PLCB2: variants seen among roughly 807,000 people sequenced by gnomAD.
The protein encoded by PLCB2 is 1-phosphatidylinositol 4,5-bisphosphate phosphodiesterase beta-2.
Under a neutral mutation model 141.7 loss-of-function variants are expected in PLCB2, and 115 were observed. That is an observed-to-expected ratio of 0.81 (90% CI 0.70 to 0.95). The LOEUF is 0.95. Ranked by LOEUF, PLCB2 falls within the 40% of genes least tolerant of loss-of-function variation. The pLI is 0.00. For synonymous variants in PLCB2, 603 were observed against 595.6 expected, an observed-to-expected ratio of 1.01 and a Z score of -0.18; for missense variants, 1,403 against 1,541.1, an observed-to-expected ratio of 0.91 and a Z score of 1.50.
At position 40,295,049 on chromosome 15, in the gene PLCB2, C is replaced by T. The variant is rs8025153; in HGVS notation, c.1793G>A (p.Arg598His). Residue 598 changes from arginine (R) to histidine (H), a missense_variant, in exon 18 of 32, where the codon CGC (arginine) becomes CAC (histidine). Physicochemically the swap from Arg to His is conservative, Grantham distance 29. Around this residue, in one of 4 missense-constraint regions of PLCB2, gnomAD observed 975 missense variants for 1,141.1 expected, o/e 0.85. Coordinates refer to ENST00000260402, the MANE Select transcript of PLCB2 (RefSeq NM_004573.3). ...ASVQFVDYNK[R>H]QMSRIYPKGT... ...CTTGGGGTAAATGCGGCTCATCTGG[C>T]GCTTGTTGTAGCTGTCCCTGAGTTT... 6.0e-4 allele frequency: 969 copies of T among 1,612,678 alleles called. 7 individuals are homozygous for T. The African/African-American group carries it at 0.01, about 17-fold the overall frequency.
chr15:40,290,941 TGA>T, intron 27 of PLCB2, 75 bp downstream of exon 27: 3 of 1,204,284 alleles, frequency 2.5e-6, no homozygotes, highest in Non-Finnish European at 3.2e-6. Flanking sequence ...GTTGGGTCGG[TGA>T]GAGGGGCGAA....
intron 27 of PLCB2, 56 bp from the exon 28 acceptor site, chr15:40,290,893 C>A: frequency 1.3e-6 from 1 of 780,322 alleles, no homozygotes; most frequent in Non-Finnish European, 2.0e-6. Context: ...AGAGGGAGTA[C>A]GGGGGGCGGG....
At chr15:40,290,217 C>T in intron 29 of PLCB2, 135 bp from the exon 30 acceptor site, 4 of 693,684 alleles carry the variant, frequency 5.8e-6, no homozygotes, top group South Asian at 3.2e-5. Flanking sequence ...GGTGTGGGGA[C>T]CCAAGGAGTA....
At chr15:40,295,375 C>T in intron 16 of PLCB2, 90 bp from the exon 17 acceptor site, 1 of 844,268 alleles carries the variant, frequency 1.2e-6, no homozygotes. Context: ...TCCCTCTGGC[C>T]TATAGAGATG....
intron 24 of PLCB2, 56 bp downstream of exon 24, chr15:40,291,793 C>T: frequency 6.2e-7 from 1 of 1,612,566 alleles, no homozygotes; most frequent in Non-Finnish European, 8.5e-7. Flanking sequence ...AAGGGAAGTG[C>T]CTGTGGGTGC....
Position 40,304,198 on chromosome 15 carries a change from G to A in PLCB2, c.85-120C>T, listed in dbSNP as rs1165600310. 2.2e-5 allele frequency: 15 copies of A among 676,856 alleles called. No homozygotes were observed. In the Admixed American group the frequency reaches 2.9e-4, roughly 13 times the overall value. 41.9% of individuals were successfully genotyped at this position (676,856 alleles called of 1,614,324 possible). ...AGGTGCCCATCCCAGAAATCTGAAGGCATTTCCTTTTGTTGTCTAGAGCTA... is the reference window on the plus strand; with the variant it reads ...AGGTGCCCATCCCAGAAATCTGAAGACATTTCCTTTTGTTGTCTAGAGCTA... On this transcript the variant is annotated intron_variant, in intron 1 of 31. Coordinates refer to ENST00000260402, the MANE Select transcript of PLCB2 (RefSeq NM_004573.3).
At position 40,295,261 on chromosome 15, in the gene PLCB2, G is replaced by T. The variant is rs768916196; in HGVS notation, c.1721C>A (p.Ser574Ter). 3 of 1,613,430 alleles carry T rather than the reference G, an allele frequency of 1.9e-6. No individual in the cohort carries two copies. The highest frequency in any genetic ancestry group is 1.1e-5 in the South Asian group (1 of 91,066). ...ATATGCCTTGAGCTCTGTGAAGGAC[G>T]AGATGACATAACTTCGGTTCTTTTC... ...SAQKNRSYVI[S>*]SFTELKAYDL... The change falls in exon 17 of 32, where the codon TCG (serine) becomes TAG (stop). Residue 574 changes from serine (S) to a stop codon, truncating the protein, a stop_gained. Coordinates refer to ENST00000260402, the MANE Select transcript of PLCB2 (RefSeq NM_004573.3). LOFTEE classifies it high-confidence loss of function.
chr15:40,307,641 G>A lies in PLCB2; in HGVS notation c.32C>T (p.Pro11Leu), dbSNP rs754087627. 11 of 1,583,444 alleles carry A rather than the reference G, an allele frequency of 6.9e-6. No homozygotes were observed. The highest frequency in any genetic ancestry group is 1.4e-5 in the African/African-American group (1 of 73,934). The change falls in exon 1 of 32, where the codon CCC becomes CTC. Residue 11 changes from proline to leucine, a missense_variant. This residue lies in a region of PLCB2 where 975 missense variants were observed against 1,141.1 expected (regional missense o/e 0.85). Coordinates refer to ENST00000260402, the MANE Select transcript of PLCB2 (RefSeq NM_004573.3). ...TTGGCTCAGATAGGCCTTCACCTTG[G>A]GGGGCAGCAGGACAGGGTTGAGCAG... MSLLNPVLLP[P>L]KVKAYLSQGE...
intron 18 of PLCB2, 130 bp downstream of exon 18, chr15:40,294,806 C>A: frequency 8.7e-7 from 1 of 1,154,054 alleles, no homozygotes; most frequent in Non-Finnish European, 1.2e-6. Context: ...TTCTCACGCA[C>A]CTGGGCATGC....
intron 22 of PLCB2, 66 bp downstream of exon 22, chr15:40,292,273 G>A: frequency 1.3e-6 from 2 of 1,512,796 alleles, no homozygotes. Flanking sequence ...AACTCTGGAA[G>A]CTGGCTTGAT....
Position 40,302,167 on chromosome 15 carries a change from G to A in PLCB2, c.475C>T (p.Leu159Phe). Residue 159 changes from leucine (L) to phenylalanine (F), a missense_variant, in exon 6 of 32, where the codon CTC (leucine) becomes TTC (phenylalanine). Physicochemically the swap from Leu to Phe is conservative, Grantham distance 22. Around this residue, in one of 4 missense-constraint regions of PLCB2, gnomAD observed 975 missense variants for 1,141.1 expected, o/e 0.85. Transcript: ENST00000260402. ...ACCGGAATCTTCCCTTCAGAGTTGA[G>A]CTGCATCTTGAGCTTCACAAGGCTG... ...DKILVKLKMQ[L>F]NSEGKIPVKN... 1 of 1,611,904 alleles carries A rather than the reference G, an allele frequency of 6.2e-7. No individual in the cohort carries two copies. The highest frequency in any genetic ancestry group is 1.7e-5 in the Admixed American group (1 of 59,924).
rs1555391016 is a variant in PLCB2 at position 40,289,989 on chromosome 15, G to GTA, written c.3267+35_3267+36insTA. The GTA allele has an allele frequency of 1.3e-5, 13 of 1,018,998 alleles. No individual in the cohort carries two copies. The South Asian group carries it at 1.5e-4, about 12-fold the overall frequency. 63.1% of individuals were successfully genotyped at this position (1,018,998 alleles called of 1,614,324 possible). A position where few individuals can be genotyped will look rare whatever the true frequency, so the allele number is the denominator to read the frequency against. On this transcript the variant is annotated intron_variant, in intron 30 of 31. Transcript: ENST00000260402. ...AGAGAGTGTGTGTGTGTGTGTGTGT[G>GTA]TGTGTGTGTTTAGGAAGGACACAGC...
chr15:40,306,342 A>AG, intron 1 of PLCB2, among the ~76,000 whole-genome samples: 1 of 152,178 alleles, frequency 6.6e-6, no homozygotes, highest in East Asian at 1.9e-4. Context: ...GGAGAGGGGA[A>AG]GGGAACAGCC....
chr15:40,299,077 A>T (rs746111917), intron 8 of PLCB2, 51 bp downstream of exon 8: 6 of 1,563,082 alleles, frequency 3.8e-6, no homozygotes, highest in Non-Finnish European at 5.3e-6. Context: ...GGAGGAGGGG[A>T]TTGTTAGCCA....
At chr15:40,306,352 C>A (rs750098923) in intron 1 of PLCB2, among the ~76,000 whole-genome samples, 2 of 152,104 alleles carry the variant, frequency 1.3e-5, no homozygotes, top group African/African-American at 4.8e-5. Context: ...AGGGAACAGC[C>A]AGGTACACAG....
chr15:40,304,140 G>GA, intron 1 of PLCB2, 62 bp from the exon 2 acceptor site: 14 of 1,158,186 alleles, frequency 1.2e-5, no homozygotes, highest in Non-Finnish European at 1.5e-5. Context: ...CCTGGTCCAG[G>GA]CCAGGGGTTT....
chr15:40,294,873 G>A, intron 18 of PLCB2, 63 bp downstream of exon 18: 2 of 1,605,582 alleles, frequency 1.2e-6, no homozygotes, highest in Non-Finnish European at 1.7e-6. Context: ...ACCCCTCAAG[G>A]ATGTAAAGGT....
rs2040537895 is a variant in PLCB2, at chr15:40,302,074, G to A, written c.507-42C>T. ...AGGTACCAGGTACAGAGAGGAGTCAGGCCTGAGAAAGAAAGGCTTTGGGGA... is the reference window on the plus strand; with the variant it reads ...AGGTACCAGGTACAGAGAGGAGTCAAGCCTGAGAAAGAAAGGCTTTGGGGA... On this transcript the variant is annotated intron_variant, in intron 6 of 31. Transcript: ENST00000260402. 3.1e-6 allele frequency: 5 copies of A among 1,613,466 alleles called. No homozygotes were observed. The Admixed American group carries it at 8.3e-5, about 27-fold the overall frequency.
In PLCB2 at chr15:40,307,639, TG is replaced by T. The variant is rs777988967; in HGVS notation, c.33del (p.Lys12ArgfsTer2). On this transcript the variant is annotated frameshift_variant, in exon 1 of 32. Coordinates refer to ENST00000260402, the MANE Select transcript of PLCB2 (RefSeq NM_004573.3). LOFTEE classifies it high-confidence loss of function. ...CCTTGGCTCAGATAGGCCTTCACCT[TG>T]GGGGGCAGCAGGACAGGGTTGAGCA... The part of the protein sequence containing the change: MSLLNPVLLP[P>X]KVKAYLSQGE... The T allele has an allele frequency of 1.3e-6, 2 of 1,583,910 alleles. No individual in the cohort carries two copies. Among genetic ancestry groups the T allele is most frequent in the Non-Finnish European group, 1.7e-6 (2 of 1,163,252 alleles).
Sources: gnomAD v4.1 joint callset for allele counts (sites outside exome capture counted in the v4.1 genomes callset) on GRCh38, gnomAD v4.1.1 for gene constraint, gnomAD v4.1.1 regional missense constraint, MANE v1.5 for transcripts, NCBI Gene and HGNC (gene_info 2026-07-23, HGNC 2026-07-21) for gene names.